MYRIP: variants seen among roughly 807,000 people sequenced by gnomAD.
The protein encoded by MYRIP is rab effector MyRIP.
A neutral mutation model predicts 98.0 loss-of-function variants in MYRIP; 49 were observed. The ratio of observed to expected loss-of-function variants is 0.50; its 90% CI spans 0.40 to 0.63. MYRIP has a LOEUF of 0.63. Among genes scored for constraint, MYRIP ranks in the 30% least tolerant of loss-of-function variants. MYRIP has a pLI of 0.00. For synonymous variants in MYRIP, 404 were observed against 409.5 expected (o/e 0.99, Z 0.16); for missense variants, 1,004 against 1,058.2 (o/e 0.95, Z 0.71).
intron 2 of MYRIP, among the ~76,000 whole-genome samples, chr3:39,958,564 T>A (rs1257064341): frequency 3.2e-4 from 48 of 151,772 alleles, no homozygotes; most frequent in Admixed American, 3.0e-3. Context: ...TAGACCTAAA[T>A]CCATAAAAAC....
chr3:39,934,968 G>T lies in MYRIP; in HGVS notation c.110+34042G>T, dbSNP rs6762066. Among the ~76,000 whole-genome samples the T allele has an allele frequency of 1.3e-5, 2 of 151,910 alleles. 1 individual carries two copies. The highest frequency in any genetic ancestry group is 4.8e-5 in the African/African-American group (2 of 41,282). On this transcript the variant is annotated intron_variant, in intron 2 of 16. Coordinates refer to ENST00000302541, the MANE Select transcript of MYRIP (RefSeq NM_015460.4). ...GTCTTCCTCCCACGACCTGGTGACA[G>T]CTTGTTTCATTCTGTTGCCTTACAT...
intron 8 of MYRIP, chr3:40,174,418 C>G (rs773557191): frequency 2.0e-5 from 3 of 152,238 alleles, no homozygotes; most frequent in Non-Finnish European, 2.9e-5. Context: ...ATCTTCCCCC[C>G]CATTCATACT....
rs141722451 is a variant in MYRIP, at chr3:39,866,776, T to G, written c.-30-34011T>G. Among the ~76,000 whole-genome samples the G allele has an allele frequency of 2.0e-5, 3 of 152,330 alleles. No individual in the cohort carries two copies. In the East Asian group the frequency reaches 5.8e-4, roughly 29 times the overall value. ...TACCCAAAGCATTCTCTAGATCCAG[T>G]GCAACCCCTATCAAAATTCTAATGG... On this transcript the variant is annotated intron_variant, in intron 1 of 16. Coordinates refer to ENST00000302541, the MANE Select transcript of MYRIP (RefSeq NM_015460.4).
intron 3 of MYRIP, among the ~76,000 whole-genome samples, chr3:40,094,206 CCA>C (rs1559397978): frequency 6.6e-6 from 1 of 152,218 alleles, no homozygotes; most frequent in East Asian, 1.9e-4. Context: ...ATCTTGTTTT[CCA>C]CAGTTTGTGG....
At chr3:40,000,178 A>G (rs1946486154) in intron 2 of MYRIP, among the ~76,000 whole-genome samples, 1 of 152,204 alleles carries the variant, frequency 6.6e-6, no homozygotes, top group African/African-American at 2.4e-5. Context: ...AATAAAAAAA[A>G]TTACAATAAA....
chr3:40,089,108 A>G (rs1948690486), intron 3 of MYRIP, among the ~76,000 whole-genome samples: 2 of 152,090 alleles, frequency 1.3e-5, no homozygotes, highest in South Asian at 2.1e-4. Flanking sequence ...CGGATGATGC[A>G]TGGATGTGAG....
chr3:39,917,883 A>G (rs1243687056), intron 2 of MYRIP, among the ~76,000 whole-genome samples: 1 of 152,178 alleles, frequency 6.6e-6, no homozygotes, highest in Admixed American at 6.5e-5. Context: ...TATCTATATA[A>G]ATAACCTCCA....
intron 2 of MYRIP, among the ~76,000 whole-genome samples, chr3:40,020,443 C>T (rs766360784): frequency 1.3e-5 from 2 of 152,100 alleles, no homozygotes; most frequent in Non-Finnish European, 2.9e-5. Context: ...TTTCTTTGGT[C>T]CAACGCCCTG....
chr3:39,951,920 C>T (rs1945026434), intron 2 of MYRIP, among the ~76,000 whole-genome samples: 1 of 152,026 alleles, frequency 6.6e-6, no homozygotes, highest in Non-Finnish European at 1.5e-5. Context: ...ATGTACATGC[C>T]ATAGATTTAA....
At chr3:40,170,171 C>T (rs966235592) in intron 8 of MYRIP, 78 bp downstream of exon 8, 34 of 1,535,808 alleles carry the variant, frequency 2.2e-5, no homozygotes, top group African/African-American at 6.9e-5. Flanking sequence ...GTAGTTGAAT[C>T]AGGTGGCCAC....
At chr3:40,089,813 A>G (rs1337366830) in intron 3 of MYRIP, among the ~76,000 whole-genome samples, 1 of 152,096 alleles carries the variant, frequency 6.6e-6, no homozygotes, top group East Asian at 1.9e-4. Flanking sequence ...TTCCTTAAAA[A>G]CCATTTTCTA....
intron 1 of MYRIP, among the ~76,000 whole-genome samples, chr3:39,871,919 A>T (rs568797097): frequency 6.6e-6 from 1 of 152,174 alleles, no homozygotes; most frequent in East Asian, 1.9e-4. Flanking sequence ...TATATAAAAT[A>T]TATAGAAAAA....
chr3:39,827,368 C>T (rs907547524), intron 1 of MYRIP, among the ~76,000 whole-genome samples: 1 of 152,190 alleles, frequency 6.6e-6, no homozygotes, highest in Non-Finnish European at 1.5e-5. Flanking sequence ...CCATCTTGGC[C>T]TCCCCAAATA....
intron 3 of MYRIP, among the ~76,000 whole-genome samples, chr3:40,084,417 ATCGG>A (rs1948562442): frequency 4.1e-5 from 3 of 73,764 alleles, no homozygotes; most frequent in Non-Finnish European, 9.1e-5. Context: ...TGTATTATCT[ATCGG>A]TAGATAATAC....
At chr3:39,974,368 G>C (rs183574863) in intron 2 of MYRIP, among the ~76,000 whole-genome samples, 2 of 152,098 alleles carry the variant, frequency 1.3e-5, no homozygotes, top group Non-Finnish European at 2.9e-5. Flanking sequence ...TCGAATCTCT[G>C]AATAGACCAA....
At chr3:39,856,892 A>G (rs1391565003) in intron 1 of MYRIP, among the ~76,000 whole-genome samples, 1 of 152,216 alleles carries the variant, frequency 6.6e-6, no homozygotes, top group African/African-American at 2.4e-5. Context: ...AGCAAAGGAA[A>G]TGAACAAAGC....
chr3:40,017,804 T>A (rs1946900664), intron 2 of MYRIP, among the ~76,000 whole-genome samples: 1 of 151,222 alleles, frequency 6.6e-6, no homozygotes, highest in Admixed American at 6.6e-5. Context: ...AGACTGTGAG[T>A]TTTTGGAGAA....
At chr3:40,118,241 T>C (rs1419595740) in intron 3 of MYRIP, among the ~76,000 whole-genome samples, 1 of 152,246 alleles carries the variant, frequency 6.6e-6, no homozygotes, top group Non-Finnish European at 1.5e-5. Context: ...GAGGCTAATA[T>C]GTTGCCACAA....
chr3:40,196,387 C>T (rs768282203), intron 10 of MYRIP, among the ~76,000 whole-genome samples: 1 of 151,984 alleles, frequency 6.6e-6, no homozygotes, highest in East Asian at 1.9e-4. Flanking sequence ...GTTTTGTTTC[C>T]ACCCCACTAG....
Sources: gnomAD v4.1 joint callset for allele counts (sites outside exome capture counted in the v4.1 genomes callset) on GRCh38, gnomAD v4.1.1 for gene constraint, MANE v1.5 for transcripts, NCBI Gene and HGNC (gene_info 2026-07-23, HGNC 2026-07-21) for gene names.